The following TRPM3 variants were observed in gnomAD, a reference collection of about 807,000 sequenced individuals.
TRPM3 encodes the protein long transient receptor potential channel 3.
Under a neutral mutation model 181.2 loss-of-function variants are expected in TRPM3, and 77 were observed. The observed-to-expected ratio is 0.42, with a 90% CI of 0.35 to 0.51. The LOEUF is 0.51. Among genes scored for constraint, TRPM3 ranks in the 20% least tolerant of loss-of-function variants. TRPM3 has a pLI of 0.01. For missense variants in TRPM3, 1,759 were observed against 2,196.7 expected (o/e 0.80, Z 3.98); for synonymous variants, 745 against 796.4 (o/e 0.94, Z 1.09).
At position 70,625,530 on chromosome 9, in the gene TRPM3, A is replaced by T. The variant is rs769514779; in HGVS notation, c.1633-13T>A. 6.2e-7 allele frequency: 1 copy of T among 1,609,090 alleles called. No individual in the cohort carries two copies. The highest frequency in any genetic ancestry group is 8.5e-7 in the Non-Finnish European group (1 of 1,178,412). On this transcript the variant is annotated splice_polypyrimidine_tract_variant and intron_variant, in intron 12 of 25. Coordinates refer to ENST00000677713, the MANE Select transcript of TRPM3 (RefSeq NM_001366145.2). The surrounding 1 kb of genome is among the most constrained non-coding windows in gnomAD (Gnocchi z 4.8). ...CTGGATACTCTCGCTTGGAAAGAAG[A>T]CATAAGTTAAATAAGAAGATGCAGT...
chr9:71,344,613 A>G (rs1377894197), intron 1 of TRPM3, among the ~76,000 whole-genome samples: 1 of 152,248 alleles, frequency 6.6e-6, no homozygotes, highest in Non-Finnish European at 1.5e-5. Context: ...GGACGAACAT[A>G]AAAGCTAAGA....
intron 1 of TRPM3, among the ~76,000 whole-genome samples, chr9:70,916,465 A>C (rs2096595557): frequency 1.3e-5 from 2 of 152,198 alleles, no homozygotes; most frequent in Admixed American, 6.5e-5. Flanking sequence ...GTAAGGTATA[A>C]ATAGAAACAA....
intron 1 of TRPM3, among the ~76,000 whole-genome samples, chr9:71,091,027 C>T (rs982649332): frequency 4.6e-5 from 7 of 152,088 alleles, no homozygotes; most frequent in Non-Finnish European, 7.4e-5. Flanking sequence ...ATAAAATTTA[C>T]TGCCTTTTTT....
At position 70,938,964 on chromosome 9, in the gene TRPM3, A is replaced by T. The variant is rs989004503; in HGVS notation, c.178-74453T>A. Among the ~76,000 whole-genome samples the T allele has an allele frequency of 5.9e-5, 9 of 152,008 alleles. No individual in the cohort carries two copies. In the South Asian group the frequency reaches 1.9e-3, roughly 32 times the overall value. On this transcript the variant is annotated intron_variant, in intron 1 of 25. Coordinates refer to ENST00000677713, the MANE Select transcript of TRPM3 (RefSeq NM_001366145.2). The stretch of plus-strand genomic sequence containing the variant: ...CAGAGCGAGACTCCGTCTCAAAAAA[A>T]AAAATAAAAATAAAAAATAAAAAAA...
At chr9:71,081,624 T>C (rs967939492) in intron 1 of TRPM3, among the ~76,000 whole-genome samples, 1 of 152,114 alleles carries the variant, frequency 6.6e-6, no homozygotes, top group African/African-American at 2.4e-5. Context: ...GACTTTAATT[T>C]TGGCAGAATA....
chr9:70,595,994 G>A (rs892764819), intron 21 of TRPM3, among the ~76,000 whole-genome samples: 1 of 152,016 alleles, frequency 6.6e-6, no homozygotes, highest in African/African-American at 2.4e-5. Flanking sequence ...TGTACAGTAG[G>A]GTTAGGAATA....
chr9:70,993,741 C>T (rs1454602494), intron 1 of TRPM3, among the ~76,000 whole-genome samples: 6 of 135,556 alleles, frequency 4.4e-5, no homozygotes, highest in Admixed American at 4.1e-4. Flanking sequence ...GCTGAGATTG[C>T]GCGACTGCAC....
At chr9:71,407,546 G>A (rs1237899120) in intron 1 of TRPM3, among the ~76,000 whole-genome samples, 2 of 152,212 alleles carry the variant, frequency 1.3e-5, no homozygotes, top group Non-Finnish European at 2.9e-5. Context: ...CCATTACTGA[G>A]GCTTGACTAG....
At chr9:71,042,125 T>C (rs2058895772) in intron 1 of TRPM3, among the ~76,000 whole-genome samples, 1 of 152,124 alleles carries the variant, frequency 6.6e-6, no homozygotes, top group South Asian at 2.1e-4. Context: ...TAGACAACTT[T>C]ATTTTTAGCA....
chr9:71,039,960 T>A (rs2058643995), intron 1 of TRPM3, among the ~76,000 whole-genome samples: 1 of 152,212 alleles, frequency 6.6e-6, no homozygotes, highest in Non-Finnish European at 1.5e-5. Context: ...ATAATTTCAT[T>A]ATAAGGGAAA....
intron 1 of TRPM3, among the ~76,000 whole-genome samples, chr9:70,998,050 G>A (rs1014253364): frequency 4.0e-5 from 6 of 150,840 alleles, no homozygotes; most frequent in African/African-American, 1.5e-4. Flanking sequence ...TCGGGTTATG[G>A]GTGTTGCTGA....
At chr9:71,374,020 G>A (rs1413247855) in intron 1 of TRPM3, among the ~76,000 whole-genome samples, 2 of 152,142 alleles carry the variant, frequency 1.3e-5, no homozygotes, top group East Asian at 3.9e-4. Context: ...AAGACAAAAA[G>A]CACGATAATC....
chr9:71,237,022 G>A (rs2081386906), intron 1 of TRPM3, among the ~76,000 whole-genome samples: 2 of 144,070 alleles, frequency 1.4e-5, no homozygotes, highest in African/African-American at 5.3e-5. Context: ...ACTCCAGCCT[G>A]GGCGATAGAG....
intron 1 of TRPM3, among the ~76,000 whole-genome samples, chr9:71,085,485 C>T (rs529645930): frequency 2.6e-5 from 4 of 151,934 alleles, no homozygotes; most frequent in Non-Finnish European, 4.4e-5. Context: ...TGAACAGGTA[C>T]TTCTCAAAAG....
chr9:71,398,180 T>C (rs1181101388), intron 1 of TRPM3, among the ~76,000 whole-genome samples: 1 of 152,194 alleles, frequency 6.6e-6, no homozygotes. Context: ...TTACCCTTTA[T>C]AAGTTCAAGG....
At chr9:71,255,431 G>A (rs193053029) in intron 1 of TRPM3, among the ~76,000 whole-genome samples, 1,647 of 152,126 alleles carry the variant, frequency 0.011, 27 homozygotes, top group East Asian at 0.075. Context: ...CCACCATCCT[G>A]CCCACATTTG....
intron 1 of TRPM3, among the ~76,000 whole-genome samples, chr9:71,136,580 G>A (rs540870968): frequency 6.6e-6 from 1 of 152,138 alleles, no homozygotes; most frequent in Non-Finnish European, 1.5e-5. Context: ...TGGTATTTTG[G>A]TGTGTCTAAG....
intron 11 of TRPM3, among the ~76,000 whole-genome samples, chr9:70,635,462 A>ATT (rs71505401): frequency 0.53 from 60,171 of 112,996 alleles, 17,219 homozygotes; most frequent in Non-Finnish European, 0.6. Flanking sequence ...TTTGTCAGTG[A>ATT]TTTTTTTTTT....
chr9:70,635,442 G>A (rs981350798), intron 11 of TRPM3, among the ~76,000 whole-genome samples, 181 bp from the exon 12 acceptor site: 9 of 146,572 alleles, frequency 6.1e-5, no homozygotes, highest in Non-Finnish European at 1.5e-5. Context: ...CCCATTTGCA[G>A]ATGAAAAGCT....
Sources: gnomAD v4.1 joint callset for allele counts (sites outside exome capture counted in the v4.1 genomes callset) on GRCh38, gnomAD v4.1.1 for gene constraint, Gnocchi (gnomAD v3.1) non-coding constraint, MANE v1.5 for transcripts, NCBI Gene and HGNC (gene_info 2026-07-23, HGNC 2026-07-21) for gene names.